GRM8: variants seen among roughly 807,000 people sequenced by gnomAD.
GRM8 encodes the protein metabotropic glutamate receptor 8.
GRM8 carries 47 observed loss-of-function variants against 87.2 expected under a neutral mutation model. The observed-to-expected ratio is 0.54, with a 90% CI of 0.43 to 0.69. The LOEUF (loss-of-function observed/expected upper bound fraction) is 0.69. Ranked by LOEUF, GRM8 falls within the 30% of genes least tolerant of loss-of-function variation. The probability of loss-of-function intolerance (pLI) is 0.00; values close to 1 mark genes in which losing one functional copy is unlikely to be tolerated. For missense variants in GRM8, 1,019 were observed against 1,139.2 expected (o/e 0.89, Z 1.52); for synonymous variants, 396 against 404.5 (o/e 0.98, Z 0.25).
chr7:126,874,866 A>T lies in GRM8; in HGVS notation c.1156+27676T>A, dbSNP rs144660172. ...GGACCTTCCACAATAGAATCAATGT[A>T]TTAAAATGTGTAAATGACCACACTT... On this transcript the variant is annotated intron_variant, in intron 6 of 10. Coordinates refer to ENST00000339582, the MANE Select transcript of GRM8 (RefSeq NM_000845.3). Among the ~76,000 whole-genome samples the T allele has an allele frequency of 5.8e-3, 883 of 152,294 alleles. 6 individuals are homozygous for T. The highest frequency in any genetic ancestry group is 9.4e-3 in the Non-Finnish European group (639 of 67,990).
intron 9 of GRM8, among the ~76,000 whole-genome samples, chr7:126,479,509 A>G (rs1436228089): frequency 6.6e-6 from 1 of 152,080 alleles, no homozygotes; most frequent in Admixed American, 6.6e-5. Flanking sequence ...TTCATGTAGC[A>G]TAATGTTTTC....
intron 6 of GRM8, among the ~76,000 whole-genome samples, chr7:126,847,339 A>G (rs1298841476): frequency 1.3e-5 from 2 of 152,226 alleles, no homozygotes; most frequent in Non-Finnish European, 2.9e-5. Flanking sequence ...GATGATATAC[A>G]AAGATAAAAA....
intron 6 of GRM8, among the ~76,000 whole-genome samples, chr7:126,828,045 C>T (rs1437677762): frequency 6.6e-6 from 1 of 152,190 alleles, no homozygotes; most frequent in Admixed American, 6.5e-5. Context: ...ACCAGCCTTG[C>T]ATCCCAGGGA....
At chr7:126,496,978 T>A (rs1808854604) in intron 9 of GRM8, among the ~76,000 whole-genome samples, 1 of 151,546 alleles carries the variant, frequency 6.6e-6, no homozygotes, top group African/African-American at 2.4e-5. Context: ...GGATTTTTTT[T>A]TTTTTTTTGC....
chr7:126,752,965 G>A (rs1946115), intron 7 of GRM8, among the ~76,000 whole-genome samples: 59,281 of 151,874 alleles, frequency 0.39, 12,778 homozygotes, highest in Non-Finnish European at 0.48. Context: ...TGAGGACAGG[G>A]ATTGTGGTTT....
At chr7:127,024,490 G>A (rs1306627959) in intron 3 of GRM8, among the ~76,000 whole-genome samples, 1 of 151,948 alleles carries the variant, frequency 6.6e-6, no homozygotes, top group Non-Finnish European at 1.5e-5. Flanking sequence ...GTGGAACTGG[G>A]TCTCCCTGTT....
chr7:127,230,657 C>A (rs1206122649), intron 2 of GRM8, among the ~76,000 whole-genome samples: 1 of 152,208 alleles, frequency 6.6e-6, no homozygotes, highest in African/African-American at 2.4e-5. Context: ...CCCTTGTAAG[C>A]GCCCTTACAA....
At chr7:126,999,460 G>T (rs1331347155) in intron 3 of GRM8, among the ~76,000 whole-genome samples, 13 of 151,642 alleles carry the variant, frequency 8.6e-5, no homozygotes, top group Non-Finnish European at 1.8e-4. Flanking sequence ...ATAACCCACA[G>T]AATAGGAGAA....
intron 2 of GRM8, among the ~76,000 whole-genome samples, chr7:127,154,367 G>C (rs1792593673): frequency 6.6e-6 from 1 of 152,040 alleles, no homozygotes; most frequent in Non-Finnish European, 1.5e-5. Flanking sequence ...AAAACACCAA[G>C]TGATGTTGTA....
chr7:126,972,445 G>A (rs746959561), intron 3 of GRM8, among the ~76,000 whole-genome samples: 9 of 151,770 alleles, frequency 5.9e-5, no homozygotes, highest in African/African-American at 1.7e-4. Flanking sequence ...TTCTCTTCTC[G>A]GAATCAAATT....
At chr7:127,008,027 G>A (rs1022758226) in intron 3 of GRM8, among the ~76,000 whole-genome samples, 6 of 151,906 alleles carry the variant, frequency 3.9e-5, no homozygotes, top group Non-Finnish European at 8.8e-5. Context: ...AGGATTAATT[G>A]TTTCTTTGGC....
intron 6 of GRM8, among the ~76,000 whole-genome samples, chr7:126,824,531 T>A (rs1794589928): frequency 6.6e-6 from 1 of 152,202 alleles, no homozygotes; most frequent in African/African-American, 2.4e-5. Flanking sequence ...GTATGCTACC[T>A]ACAGAACTGT....
chr7:127,036,717 T>C (rs780444875), intron 3 of GRM8, among the ~76,000 whole-genome samples: 1 of 152,160 alleles, frequency 6.6e-6, no homozygotes, highest in African/African-American at 2.4e-5. Context: ...CACTGCTTGT[T>C]ACGCCGCACA....
intron 10 of GRM8, among the ~76,000 whole-genome samples, chr7:126,442,651 T>C (rs1801598829): frequency 6.6e-6 from 1 of 152,030 alleles, no homozygotes; most frequent in Non-Finnish European, 1.5e-5. Flanking sequence ...TTTCAGAAGA[T>C]GTCCATTCAA....
chr7:126,718,269 T>C (rs1263648041), intron 7 of GRM8, among the ~76,000 whole-genome samples: 1 of 151,926 alleles, frequency 6.6e-6, no homozygotes, highest in South Asian at 2.1e-4. Context: ...AGTGTTTTTT[T>C]CTCTATTTAC....
intron 3 of GRM8, among the ~76,000 whole-genome samples, chr7:127,030,593 G>A (rs1346193239): frequency 1.3e-5 from 2 of 152,026 alleles, no homozygotes; most frequent in East Asian, 3.9e-4. Context: ...ACCTAGAACA[G>A]TGTCTGACAC....
At chr7:127,067,474 T>C (rs530575010) in intron 3 of GRM8, among the ~76,000 whole-genome samples, 27 of 152,366 alleles carry the variant, frequency 1.8e-4, no homozygotes, top group Non-Finnish European at 2.8e-4. Flanking sequence ...TGCCTTGCTG[T>C]AAGCTAATTT....
intron 2 of GRM8, among the ~76,000 whole-genome samples, chr7:127,214,759 G>A (rs781164526): frequency 1.3e-5 from 2 of 152,148 alleles, no homozygotes; most frequent in African/African-American, 2.4e-5. Context: ...ATTACAATTC[G>A]AGATGAGATT....
chr7:127,105,285 T>G (rs1296278826), intron 3 of GRM8: 1 of 152,228 alleles, frequency 6.6e-6, no homozygotes, highest in Non-Finnish European at 1.5e-5. Flanking sequence ...TATGGCATAA[T>G]GCACACTTAC....
Sources: gnomAD v4.1 joint callset for allele counts (sites outside exome capture counted in the v4.1 genomes callset) on GRCh38, gnomAD v4.1.1 for gene constraint, MANE v1.5 for transcripts, NCBI Gene and HGNC (gene_info 2026-07-23, HGNC 2026-07-21) for gene names.